ERI1: variants seen among roughly 807,000 people sequenced by gnomAD.
ERI1 encodes exoribonuclease 1.
ERI1 carries 39 observed loss-of-function variants against 39.7 expected under a neutral mutation model. The ratio of observed to expected loss-of-function variants is 0.98; its 90% CI spans 0.76 to 1.28. The LOEUF (loss-of-function observed/expected upper bound fraction) is 1.28. Ranked by LOEUF, ERI1 falls within the 50% of genes most tolerant of loss-of-function variation. The probability of loss-of-function intolerance (pLI) is 0.00; values close to 1 mark genes in which losing one functional copy is unlikely to be tolerated. For missense variants in ERI1, 581 were observed against 416.9 expected (o/e 1.39, Z -3.43); for synonymous variants, 204 against 149.6 (o/e 1.36, Z -2.65).
At chr8:9,097,790 G>A (rs891740058) in intron 3 of ERI1, among the ~76,000 whole-genome samples, 7 of 151,892 alleles carry the variant, frequency 4.6e-5, no homozygotes, top group Admixed American at 1.3e-4. Flanking sequence ...AAAGAATGTG[G>A]ATTTTATTCT....
intron 3 of ERI1, among the ~76,000 whole-genome samples, chr8:9,095,696 T>G (rs1425848514): frequency 6.6e-6 from 1 of 152,026 alleles, no homozygotes; most frequent in East Asian, 1.9e-4. Flanking sequence ...AATTTTTGTG[T>G]TTTTTGTAGA....
intron 3 of ERI1, among the ~76,000 whole-genome samples, chr8:9,098,979 GC>G (rs549202753): frequency 5.3e-5 from 8 of 151,510 alleles, no homozygotes; most frequent in Admixed American, 6.6e-5. Flanking sequence ...GATTATAGGC[GC>G]CCCCCCACCA....
chr8:9,011,401 G>T, intron 2 of ERI1, 141 bp from the exon 3 acceptor site: 1 of 495,778 alleles, frequency 2.0e-6, no homozygotes, highest in Non-Finnish European at 3.6e-6. Flanking sequence ...TTTGAGTCTT[G>T]CTTTTCTTAC....
chr8:9,056,619 G>C (rs931289204), intron 3 of ERI1, among the ~76,000 whole-genome samples: 3 of 149,252 alleles, frequency 2.0e-5, no homozygotes, highest in East Asian at 4.1e-4. Flanking sequence ...CTTCGCGAAG[G>C]GCTCGGTTTT....
At chr8:9,056,876 C>G (rs935141528) in intron 3 of ERI1, among the ~76,000 whole-genome samples, 1 of 152,206 alleles carries the variant, frequency 6.6e-6, no homozygotes, top group Non-Finnish European at 1.5e-5. Flanking sequence ...CTCTGTCACC[C>G]AGGCTGGAGT....
intron 1 of ERI1, 42 bp from the exon 2 acceptor site, chr8:9,007,928 C>T (rs200009353): frequency 4.0e-6 from 6 of 1,493,066 alleles, no homozygotes; most frequent in South Asian, 2.5e-5. Context: ...TAATTATAAA[C>T]TACATCCTTT....
intron 3 of ERI1, among the ~76,000 whole-genome samples, chr8:9,062,073 C>T (rs1025955377): frequency 1.2e-4 from 19 of 152,022 alleles, no homozygotes; most frequent in African/African-American, 4.6e-4. Flanking sequence ...GGTTTTAGGA[C>T]AGGTGAAATG....
intron 3 of ERI1, among the ~76,000 whole-genome samples, chr8:9,012,766 C>T (rs1390477225): frequency 1.3e-5 from 2 of 152,162 alleles, no homozygotes; most frequent in Non-Finnish European, 2.9e-5. Flanking sequence ...TTATATTTTT[C>T]ACACTGTGTA....
intron 3 of ERI1, among the ~76,000 whole-genome samples, chr8:9,060,833 G>C (rs13257208): frequency 0.83 from 126,744 of 152,134 alleles, 53,694 homozygotes; most frequent in South Asian, 0.92. Flanking sequence ...GATCTGATGC[G>C]TTTTGATGCC....
chr8:9,056,379 C>A (rs533238304), intron 3 of ERI1, among the ~76,000 whole-genome samples: 2 of 152,186 alleles, frequency 1.3e-5, no homozygotes, highest in Admixed American at 6.5e-5. Context: ...GACTTGCCCA[C>A]GTTGTTAAAC....
chr8:9,053,660 G>C lies in ERI1; in HGVS notation n.299+33196G>C, dbSNP rs1798424943. On this transcript the variant is annotated intron_variant and non_coding_transcript_variant, in intron 3 of 3. Coordinates refer to the ERI1 transcript ENST00000518663. ...TATAGTCAGCCAGGTAGAAGTGCAG[G>C]TAGCCTGGGGACCCCACTGGCCCTG... 2.0e-5 allele frequency among the ~76,000 whole-genome samples: 3 copies of C among 152,210 alleles called. No individual in the cohort carries two copies. In the South Asian group the frequency reaches 6.2e-4, roughly 32 times the overall value.
chr8:9,021,218 A>G (rs1817857105), intron 6 of ERI1, among the ~76,000 whole-genome samples: 1 of 152,168 alleles, frequency 6.6e-6, no homozygotes, highest in South Asian at 2.1e-4. Flanking sequence ...CTTACTCTCC[A>G]TTCAAACTGT....
At chr8:9,004,485 CTTTTTTTTTTTTTT>C (rs71201904) in intron 1 of ERI1, among the ~76,000 whole-genome samples, 1 of 78,328 alleles carries the variant, frequency 1.3e-5, no homozygotes, top group African/African-American at 5.0e-5. Flanking sequence ...TATAGTGATA[CTTTTTTTTTTTTTT>C]TTTTTTTTTT....
intron 3 of ERI1, among the ~76,000 whole-genome samples, chr8:9,040,732 G>GTT (rs964835899): frequency 6.7e-6 from 1 of 149,676 alleles, no homozygotes; most frequent in African/African-American, 2.5e-5. Flanking sequence ...GTGTGTGTGG[G>GTT]GGGGGGGTGT....
intron 3 of ERI1, among the ~76,000 whole-genome samples, chr8:9,046,151 T>TG (rs1170157737): frequency 6.6e-5 from 10 of 152,216 alleles, no homozygotes; most frequent in Admixed American, 1.3e-4. Flanking sequence ...GGACCGCTGC[T>TG]GGGCCATCAG....
In ERI1 at chr8:9,008,050, C is replaced by T. The variant is rs751778629; in HGVS notation, c.189C>T (p.Asp63=). 2 of 1,608,452 alleles carry T rather than the reference C, an allele frequency of 1.2e-6. No homozygotes were observed. Among genetic ancestry groups the T allele is most frequent in the Non-Finnish European group, 1.7e-6 (2 of 1,179,046 alleles). ...FITSSASDFS[D]PVYKEIAITN... Reference sequence around the variant, plus strand: ...CCTCCAGTGCGAGTGACTTCAGTGACCCGGTTTACAAAGAGATTGCCATTA... The same window carrying T: ...CCTCCAGTGCGAGTGACTTCAGTGATCCGGTTTACAAAGAGATTGCCATTA... Residue 63 remains aspartate (D), a synonymous_variant, in exon 2 of 7, where the codon GAC becomes GAT. Transcript: ENST00000250263.
intron 4 of ERI1, among the ~76,000 whole-genome samples, chr8:9,017,177 C>G (rs1817392055): frequency 6.6e-6 from 1 of 152,088 alleles, no homozygotes; most frequent in Non-Finnish European, 1.5e-5. Context: ...GTAGCTGAGA[C>G]TATAGGCACA....
chr8:9,015,524 C>T (rs1563318149), intron 3 of ERI1, among the ~76,000 whole-genome samples: 1 of 151,892 alleles, frequency 6.6e-6, no homozygotes, highest in African/African-American at 2.4e-5. Context: ...AGATCGAGAC[C>T]ATCCTGGCTA....
At chr8:9,065,563 G>C (rs1249140436) in intron 3 of ERI1, among the ~76,000 whole-genome samples, 1 of 151,614 alleles carries the variant, frequency 6.6e-6, no homozygotes, top group African/African-American at 2.4e-5. Flanking sequence ...GGCGTAGTGG[G>C]GGGCGCCTGT....
Sources: gnomAD v4.1 joint callset for allele counts (sites outside exome capture counted in the v4.1 genomes callset) on GRCh38, gnomAD v4.1.1 for gene constraint, MANE v1.5 for transcripts, NCBI Gene and HGNC (gene_info 2026-07-23, HGNC 2026-07-21) for gene names.